The following VPS8 variants were observed in gnomAD, a reference collection of about 807,000 sequenced individuals.
VPS8 encodes the protein vacuolar protein sorting-associated protein 8 homolog.
VPS8 carries 129 observed loss-of-function variants against 216.4 expected under a neutral mutation model. The ratio of observed to expected loss-of-function variants is 0.60; its 90% CI spans 0.52 to 0.69. The LOEUF (loss-of-function observed/expected upper bound fraction) is 0.69. Ranked by LOEUF, VPS8 falls within the 30% of genes least tolerant of loss-of-function variation. The probability of loss-of-function intolerance (pLI) is 0.00; values close to 1 mark genes in which losing one functional copy is unlikely to be tolerated. For synonymous variants in VPS8, 571 were observed against 565.4 expected (o/e 1.01, Z -0.14); for missense variants, 1,531 against 1,683.5 (o/e 0.91, Z 1.59).
intron 46 of VPS8, among the ~76,000 whole-genome samples, chr3:185,046,915 C>T (rs1480547944): frequency 6.6e-6 from 1 of 152,174 alleles, no homozygotes. Flanking sequence ...AATCTGCATG[C>T]CGGCCCTCCC....
At chr3:185,047,608 A>G (rs912654993) in intron 46 of VPS8, among the ~76,000 whole-genome samples, 1 of 152,208 alleles carries the variant, frequency 6.6e-6, no homozygotes, top group African/African-American at 2.4e-5. Context: ...AACTATGGGT[A>G]TCTCTGAATT....
intron 36 of VPS8, among the ~76,000 whole-genome samples, chr3:184,942,639 C>T (rs1257580638): frequency 1.3e-5 from 2 of 152,128 alleles, no homozygotes; most frequent in Non-Finnish European, 2.9e-5. Flanking sequence ...TATCAAAGAC[C>T]GCGTGTTCTG....
chr3:184,934,313 A>G (rs1231962577), intron 34 of VPS8, among the ~76,000 whole-genome samples: 1 of 152,070 alleles, frequency 6.6e-6, no homozygotes, highest in Non-Finnish European at 1.5e-5. Context: ...CTGGGATTAC[A>G]GATATGGCCA....
intron 37 of VPS8, among the ~76,000 whole-genome samples, chr3:184,958,332 T>TC (rs1745955846): frequency 6.6e-6 from 1 of 152,176 alleles, no homozygotes; most frequent in African/African-American, 2.4e-5. Context: ...TAAGTGTGTT[T>TC]CCGACAAAGG....
intron 36 of VPS8, among the ~76,000 whole-genome samples, chr3:184,949,923 A>T (rs891940789): frequency 1.3e-5 from 2 of 151,672 alleles, no homozygotes; most frequent in African/African-American, 2.4e-5. Flanking sequence ...TTGTTTTTTA[A>T]TTGAGACAGA....
chr3:184,947,979 A>G (rs1743988156), intron 36 of VPS8, among the ~76,000 whole-genome samples: 1 of 152,166 alleles, frequency 6.6e-6, no homozygotes, highest in Admixed American at 6.5e-5. Flanking sequence ...GGAAACTAAA[A>G]ATTCAGGATT....
intron 21 of VPS8, among the ~76,000 whole-genome samples, chr3:184,871,693 G>T (rs540382859): frequency 6.6e-6 from 1 of 152,254 alleles, no homozygotes; most frequent in South Asian, 2.1e-4. Context: ...AAATTTACAT[G>T]ATCTTTACTA....
In VPS8 at chr3:184,964,046, C is replaced by CT. The variant is rs535726087; in HGVS notation, c.3184-415dup. On this transcript the variant is annotated intron_variant, in intron 37 of 47. Transcript: ENST00000625842. ...TTTCTCCCTAGCCTAACTGATACTT[C>CT]TTTTTTTACTAATTAGAGATTTTGT... 1.3e-3 allele frequency among the ~76,000 whole-genome samples: 196 copies of CT among 151,878 alleles called. 2 individuals are homozygous for CT. The highest frequency in any genetic ancestry group is 2.7e-3 in the African/African-American group (110 of 41,492).
chr3:184,990,317 C>G (rs1025721500), intron 42 of VPS8, among the ~76,000 whole-genome samples: 1 of 152,124 alleles, frequency 6.6e-6, no homozygotes, highest in Non-Finnish European at 1.5e-5. Context: ...AATATAAACT[C>G]TTTTTGAGCC....
At chr3:184,816,093 GAGA>G (rs1716263738) in intron 1 of VPS8, 1 of 152,194 alleles carries the variant, frequency 6.6e-6, no homozygotes, top group African/African-American at 2.4e-5. Flanking sequence ...AAGTGGGTCT[GAGA>G]AGAGACATTC....
At chr3:185,049,022 G>A (rs890107479) in intron 47 of VPS8, among the ~76,000 whole-genome samples, 1 of 152,186 alleles carries the variant, frequency 6.6e-6, no homozygotes, top group Admixed American at 6.5e-5. Flanking sequence ...GCACATCCAC[G>A]TACCTCCCTT....
In VPS8 at chr3:184,866,909, A is replaced by T; in HGVS notation, c.1429A>T (p.Ile477Phe). 6.8e-6 allele frequency: 11 copies of T among 1,613,318 alleles called. No homozygotes were observed. Among genetic ancestry groups the T allele is most frequent in the Non-Finnish European group, 9.3e-6 (11 of 1,179,652 alleles). Residue 477 changes from isoleucine (I) to phenylalanine (F), a missense_variant, in exon 17 of 48, where the codon ATC becomes TTC. Transcript: ENST00000625842. The stretch of plus-strand genomic sequence containing the variant: ...TGGAGAGAAGGCTTGTTATCAATCC[A>T]TCAGTAGCTATGGTGGTCAGATCTT... Reference protein sequence around the residue: ...LVGEKACYQSISSYGGQIFYL... With the variant: ...LVGEKACYQSFSSYGGQIFYL...
At chr3:184,821,694 C>G (rs1318490238) in intron 1 of VPS8, among the ~76,000 whole-genome samples, 2 of 152,078 alleles carry the variant, frequency 1.3e-5, no homozygotes, top group African/African-American at 4.8e-5. Context: ...GCTAGAGAAT[C>G]TGTACCTAGA....
intron 40 of VPS8, among the ~76,000 whole-genome samples, chr3:184,977,197 CTGA>C (rs1749414352): frequency 6.6e-6 from 1 of 152,154 alleles, no homozygotes; most frequent in African/African-American, 2.4e-5. Flanking sequence ...TTGCATTTCT[CTGA>C]TGATTAGTGA....
rs1714322134 is a variant in VPS8 at position 185,051,888 on chromosome 3, A to G, written c.4150A>G (p.Thr1384Ala). ...CCTTCCTTTGCAGCTGGCTCTCCTC[A>G]CGGAACTCTCCCAGAATCGCAGCAG... ...YRGSSRLALL[T>A]ELSQNRSSES... The change falls in exon 48 of 48, where the codon ACG becomes GCG. Residue 1384 changes from threonine (T) to alanine (A), a missense_variant. Coordinates refer to ENST00000625842, the MANE Select transcript of VPS8 (RefSeq NM_001009921.3). 3.7e-6 allele frequency: 6 copies of G among 1,606,164 alleles called. No homozygotes were observed. The highest frequency in any genetic ancestry group is 1.3e-5 in the African/African-American group (1 of 74,796).
chr3:184,954,128 A>C (rs1275846313), intron 36 of VPS8, among the ~76,000 whole-genome samples: 1 of 152,186 alleles, frequency 6.6e-6, no homozygotes, highest in African/African-American at 2.4e-5. Context: ...TTTATAATAA[A>C]GGATATTACA....
chr3:184,826,102 C>G lies in VPS8; in HGVS notation c.154-61C>G. 3.3e-6 allele frequency: 4 copies of G among 1,224,538 alleles called. No individual in the cohort carries two copies. In the South Asian group the frequency reaches 5.4e-5, roughly 17 times the overall value. 75.9% of individuals were successfully genotyped at this position (1,224,538 alleles called of 1,614,324 possible). On this transcript the variant is annotated intron_variant, in intron 2 of 47. Transcript: ENST00000625842. ...GATGGTGGTTTTAATCAACTAAAAC[C>G]CCTCACAATTATAAGCAGAAAGGCA... is the stretch of plus-strand genomic sequence containing the variant.
intron 42 of VPS8, among the ~76,000 whole-genome samples, chr3:184,991,988 A>G (rs940738414): frequency 6.6e-6 from 1 of 152,192 alleles, no homozygotes; most frequent in African/African-American, 2.4e-5. Flanking sequence ...GATAATTACT[A>G]CACAAATACA....
At chr3:184,968,239 A>G (rs1241078365) in intron 39 of VPS8, among the ~76,000 whole-genome samples, 1 of 152,214 alleles carries the variant, frequency 6.6e-6, no homozygotes, top group Non-Finnish European at 1.5e-5. Context: ...GGCTGAATAA[A>G]TGCCATTGTA....
Sources: gnomAD v4.1 joint callset for allele counts (sites outside exome capture counted in the v4.1 genomes callset) on GRCh38, gnomAD v4.1.1 for gene constraint, MANE v1.5 for transcripts, NCBI Gene and HGNC (gene_info 2026-07-23, HGNC 2026-07-21) for gene names.